The following MSI2 variants were observed in gnomAD, a reference collection of about 807,000 sequenced individuals.
MSI2 encodes the protein musashi RNA binding protein 2.
In MSI2, 17 loss-of-function variants were observed where a neutral mutation model predicts 45.6. The observed-to-expected ratio is 0.37, with a 90% CI of 0.26 to 0.56. The LOEUF (loss-of-function observed/expected upper bound fraction) is 0.56. Among genes scored for constraint, MSI2 ranks in the 20% least tolerant of loss-of-function variants. MSI2 has a pLI of 0.77. For synonymous variants in MSI2, 156 were observed against 158.2 expected, an observed-to-expected ratio of 0.99 and a Z score of 0.11; for missense variants, 293 against 444.2, an observed-to-expected ratio of 0.66 and a Z score of 3.06.
chr17:57,470,392 C>T (rs905615881), intron 6 of MSI2, among the ~76,000 whole-genome samples: 2 of 152,268 alleles, frequency 1.3e-5, no homozygotes, highest in South Asian at 2.1e-4. Context: ...ATTCTCCTGC[C>T]TCAGCTTCCC....
At chr17:57,494,421 G>C (rs528948646) in intron 6 of MSI2, among the ~76,000 whole-genome samples, 84 of 152,272 alleles carry the variant, frequency 5.5e-4, no homozygotes, top group South Asian at 2.3e-3. Context: ...CTGTGGACCT[G>C]GAGTGGGTTT....
chr17:57,389,190 G>A (rs974382413), intron 5 of MSI2, among the ~76,000 whole-genome samples: 5 of 150,750 alleles, frequency 3.3e-5, no homozygotes, highest in African/African-American at 1.2e-4. Context: ...TATTGGCCAG[G>A]CTGGTCTCAA....
chr17:57,511,224 A>T (rs552858758), intron 6 of MSI2, among the ~76,000 whole-genome samples: 2 of 152,348 alleles, frequency 1.3e-5, no homozygotes, highest in African/African-American at 4.8e-5. Context: ...CCCTGCCCTC[A>T]GGGAGCGGAT....
intron 7 of MSI2, among the ~76,000 whole-genome samples, chr17:57,542,035 C>A (rs1447697515): frequency 6.6e-6 from 1 of 152,114 alleles, no homozygotes; most frequent in African/African-American, 2.4e-5. Context: ...TGATTCATGA[C>A]TCTGCTTTCC....
At chr17:57,355,767 C>T (rs1001931874) in intron 5 of MSI2, among the ~76,000 whole-genome samples, 1 of 152,180 alleles carries the variant, frequency 6.6e-6, no homozygotes, top group African/African-American at 2.4e-5. Context: ...TGCTCTGTGA[C>T]CCTGGATGTG....
intron 9 of MSI2, among the ~76,000 whole-genome samples, chr17:57,623,741 G>A (rs182106201): frequency 6.6e-6 from 1 of 152,324 alleles, no homozygotes; most frequent in East Asian, 1.9e-4. Flanking sequence ...GTGGCTTGAC[G>A]GAGCGTCTGC....
chr17:57,610,105 G>T (rs140587942), intron 8 of MSI2, among the ~76,000 whole-genome samples: 1 of 152,070 alleles, frequency 6.6e-6, no homozygotes, highest in East Asian at 1.9e-4. Flanking sequence ...CTATGATTAC[G>T]TAAGAAAATG....
intron 6 of MSI2, among the ~76,000 whole-genome samples, chr17:57,443,125 C>T (rs745374085): frequency 2.6e-5 from 4 of 152,120 alleles, no homozygotes; most frequent in Non-Finnish European, 4.4e-5. Flanking sequence ...CTTAGGACAA[C>T]AAAATCCAGC....
At chr17:57,577,007 GA>G (rs533581660) in intron 7 of MSI2, among the ~76,000 whole-genome samples, 31 of 152,298 alleles carry the variant, frequency 2.0e-4, no homozygotes, top group African/African-American at 7.5e-4. Context: ...TTTATTTTAA[GA>G]GGGGCATTGA....
intron 6 of MSI2, among the ~76,000 whole-genome samples, chr17:57,445,770 G>A (rs530926294): frequency 2.4e-4 from 36 of 152,214 alleles, no homozygotes; most frequent in South Asian, 8.3e-4. Context: ...AGTGTTCCCC[G>A]GAGGTGTCTC....
At chr17:57,384,093 A>G (rs2083644785) in intron 5 of MSI2, among the ~76,000 whole-genome samples, 1 of 152,228 alleles carries the variant, frequency 6.6e-6, no homozygotes, top group Admixed American at 6.5e-5. Flanking sequence ...TTCTATTTGA[A>G]ATGGCCTGAC....
the MSI2 span, among the ~76,000 whole-genome samples, chr17:57,698,892 AGTGT>A: frequency 0.28 from 33,068 of 118,390 alleles, 4,788 homozygotes; most frequent in Admixed American, 0.38. Context: ...GATACAAGGA[AGTGT>A]GTGTGTGTGT....
intron 5 of MSI2, among the ~76,000 whole-genome samples, chr17:57,305,807 G>A (rs914552030): frequency 2.2e-4 from 34 of 152,000 alleles, no homozygotes; most frequent in South Asian, 4.2e-4. Flanking sequence ...CTTTTCTTCC[G>A]CTTAATAATA....
intron 7 of MSI2, chr17:57,532,438 A>G (rs1598374307): frequency 6.6e-6 from 1 of 152,170 alleles, no homozygotes; most frequent in East Asian, 1.9e-4. Flanking sequence ...ACCCCTCAAG[A>G]TACCGGAGGA....
chr17:57,341,683 T>C (rs948319167), intron 5 of MSI2, among the ~76,000 whole-genome samples: 1 of 152,244 alleles, frequency 6.6e-6, no homozygotes, highest in African/African-American at 2.4e-5. Context: ...CTTGCTTGTA[T>C]TGTACACCTT....
intron 9 of MSI2, among the ~76,000 whole-genome samples, chr17:57,619,644 G>T (rs933013996): frequency 7.9e-5 from 12 of 152,350 alleles, no homozygotes; most frequent in African/African-American, 2.9e-4. Flanking sequence ...CTCCAGGGTT[G>T]GCTTTGCCTG....
At chr17:57,585,617 G>A (rs546834338) in intron 7 of MSI2, among the ~76,000 whole-genome samples, 1 of 152,372 alleles carries the variant, frequency 6.6e-6, no homozygotes, top group Middle Eastern at 3.4e-3. Context: ...GTTGCTCGCT[G>A]CATGGATGAG....
At chr17:57,423,221 T>C (rs568352871) in intron 6 of MSI2, among the ~76,000 whole-genome samples, 6 of 152,322 alleles carry the variant, frequency 3.9e-5, no homozygotes, top group Admixed American at 1.3e-4. Flanking sequence ...TTCCCAGAAA[T>C]GGCTAAAAAT....
chr17:57,672,479 T>C (rs1421469045), intron 11 of MSI2, among the ~76,000 whole-genome samples: 2 of 152,174 alleles, frequency 1.3e-5, no homozygotes, highest in Admixed American at 6.5e-5. Flanking sequence ...ACATCCTGTC[T>C]CCGAGGCTGC....
Sources: allele counts gnomAD v4.1 joint callset (sites outside exome capture counted in the v4.1 genomes callset), GRCh38; gene constraint gnomAD v4.1.1; transcripts MANE v1.5; gene names NCBI Gene and HGNC (gene_info 2026-07-23, HGNC 2026-07-21).